THBS4: variants seen among roughly 807,000 people sequenced by gnomAD.
The protein encoded by THBS4 is thrombospondin-4.
THBS4 carries 90 observed loss-of-function variants against 115.7 expected under a neutral mutation model. That is an observed-to-expected ratio of 0.78 (90% CI 0.66 to 0.93). The LOEUF is 0.93. Ranked by LOEUF, THBS4 falls within the 40% of genes least tolerant of loss-of-function variation. THBS4 has a pLI of 0.00. For missense variants in THBS4, 1,087 were observed against 1,232.7 expected (o/e 0.88, Z 1.77); for synonymous variants, 460 against 479.3 (o/e 0.96, Z 0.53).
intron 20 of THBS4, 196 bp from the exon 21 acceptor site, chr5:80,082,200 ACACACGGTCC>A: frequency 8.7e-6 from 4 of 461,376 alleles, no homozygotes; most frequent in Non-Finnish European, 1.5e-5. Flanking sequence ...ACACACGGAC[ACACACGGTCC>A]CTGCCCTCAA....
intron 3 of THBS4, among the ~76,000 whole-genome samples, chr5:80,057,540 T>G (rs1158747588): frequency 6.6e-6 from 1 of 152,200 alleles, no homozygotes; most frequent in Non-Finnish European, 1.5e-5. Context: ...GCAGAATTCC[T>G]CTGAAAATCC....
At position 80,026,534 on chromosome 5, in the gene THBS4, A is replaced by G. The variant is rs150134920; in HGVS notation, n.178-13543A>G. Among the ~76,000 whole-genome samples the G allele has an allele frequency of 5.2e-3, 793 of 152,372 alleles. 4 individuals are homozygous for G. Among genetic ancestry groups the G allele is most frequent in the African/African-American group, 0.018 (754 of 41,584 alleles). On this transcript the variant is annotated intron_variant and non_coding_transcript_variant, in intron 2 of 3. Transcript: ENST00000510218. ...GAGAGTAAATATCTGAGCCCTTCGCAGGCCACATGGGCTCTGTTACAACTA... is the reference window on the plus strand; with the variant it reads ...GAGAGTAAATATCTGAGCCCTTCGCGGGCCACATGGGCTCTGTTACAACTA...
Position 80,080,009 on chromosome 5 carries a change from T to C in THBS4, c.2616T>C (p.Asn872=). The C allele has an allele frequency of 6.2e-7, 1 of 1,614,016 alleles. No individual in the cohort carries two copies. ...QVRLLWKDSR[N]VGWKDKVSYR... ...GGCTGCTGTGGAAGGACTCCAGGAA[T>C]GTGGGCTGGAAGGACAAGGTGTCCT... The change falls in exon 20 of 22, where the codon AAT becomes AAC. Residue 872 remains asparagine, a synonymous_variant. Transcript: ENST00000350881.
At chr5:80,073,253 A>G (rs1465658506) in intron 14 of THBS4, 22 bp from the exon 15 acceptor site, 5 of 1,613,464 alleles carry the variant, frequency 3.1e-6, no homozygotes, top group Non-Finnish European at 4.2e-6. Context: ...GGAATAAATA[A>G]CATGTGCTGT....
At chr5:79,995,266 AG>A (rs1446940678) in intron 1 of THBS4, among the ~76,000 whole-genome samples, 9 of 152,254 alleles carry the variant, frequency 5.9e-5, no homozygotes, top group African/African-American at 2.2e-4. Flanking sequence ...GGACATTATA[AG>A]AAGAAGCATT....
intron 2 of THBS4, among the ~76,000 whole-genome samples, chr5:80,040,723 G>T (rs1580935532): frequency 6.6e-6 from 1 of 152,334 alleles, no homozygotes; most frequent in South Asian, 2.1e-4. Flanking sequence ...TCCATTTTGT[G>T]TTGCTATAAA....
intron 2 of THBS4, among the ~76,000 whole-genome samples, chr5:80,041,408 C>G (rs17882422): frequency 1.9e-3 from 288 of 152,218 alleles, no homozygotes; most frequent in African/African-American, 6.7e-3. Context: ...AGGAAGGGGA[C>G]AGATACAAAC....
intron 2 of THBS4, 45 bp downstream of exon 2, chr5:80,040,325 C>T (rs543977261): frequency 6.8e-7 from 1 of 1,476,064 alleles, no homozygotes; most frequent in African/African-American, 1.4e-5. Flanking sequence ...TCTCCTTTTT[C>T]TATTCCAGGA....
Position 80,055,858 on chromosome 5 carries a change from A to G in THBS4, c.366A>G (p.Gly122=). ...TCAACAACCTGCAGCTGGCAGACGG[A>G]AGGCGGCACAGGATCCTCCTGAGGC... ...VVFNNLQLAD[G]RRHRILLRLS... Residue 122 remains glycine, a synonymous_variant, in exon 3 of 22, where the codon GGA becomes GGG. Transcript: ENST00000350881. 2 of 1,614,184 alleles carry G rather than the reference A, an allele frequency of 1.2e-6. No homozygotes were observed. Among genetic ancestry groups the G allele is most frequent in the Non-Finnish European group, 1.7e-6 (2 of 1,180,006 alleles).
chr5:80,083,116 A>G lies in THBS4; in HGVS notation c.2861A>G (p.Gln954Arg), dbSNP rs1198241140. 1 of 1,614,018 alleles carries G rather than the reference A, an allele frequency of 6.2e-7. No individual in the cohort carries two copies. The highest frequency in any genetic ancestry group is 8.5e-7 in the Non-Finnish European group (1 of 1,179,932). The part of the protein sequence containing the change: ...IPEDFQEFQT[Q>R]NFDRFDN ...GAGGACTTCCAAGAGTTTCAAACCCAGAATTTCGACCGCTTCGATAATTAA... is the reference window on the plus strand; with the variant it reads ...GAGGACTTCCAAGAGTTTCAAACCCGGAATTTCGACCGCTTCGATAATTAA... Residue 954 changes from glutamine (Q) to arginine (R), a missense_variant, in exon 22 of 22, where the codon CAG becomes CGG. Gln to Arg is a conservative substitution (Grantham distance 43). Around this residue, in one of 3 missense-constraint regions of THBS4, gnomAD observed 103 missense variants for 108.2 expected, o/e 0.95. Coordinates refer to ENST00000350881, the MANE Select transcript of THBS4 (RefSeq NM_003248.6).
intron 17 of THBS4, among the ~76,000 whole-genome samples, chr5:80,078,667 C>T (rs764768145): frequency 1.5e-4 from 23 of 152,224 alleles, no homozygotes; most frequent in Non-Finnish European, 2.9e-4. Context: ...CAGTTAAGGG[C>T]CTGTCCAATC....
At chr5:80,055,694 C>A in intron 2 of THBS4, 91 bp from the exon 3 acceptor site, 1 of 1,520,166 alleles carries the variant, frequency 6.6e-7, no homozygotes, top group Non-Finnish European at 8.9e-7. Context: ...GGAGGCTGTT[C>A]AGCACAGGAC....
chr5:80,035,134 C>T (rs914939164), upstream of THBS4, among the ~76,000 whole-genome samples: 1 of 152,008 alleles, frequency 6.6e-6, no homozygotes, highest in African/African-American at 2.4e-5. This position sits in a 1 kb window ranked among gnomAD's most constrained non-coding sequence, Gnocchi z 4.6. Flanking sequence ...CCTACCCTCG[C>T]GCGTCGGGGC....
intron 19 of THBS4, 79 bp downstream of exon 19, chr5:80,079,337 G>A (rs1389132818): frequency 2.8e-6 from 4 of 1,436,582 alleles, no homozygotes; most frequent in African/African-American, 1.4e-5. Flanking sequence ...TTTCCCATGT[G>A]GTACTTAGTT....
At chr5:80,032,806 C>T (rs921427228), upstream of THBS4, among the ~76,000 whole-genome samples, 4 of 152,150 alleles carry the variant, frequency 2.6e-5, no homozygotes, top group Admixed American at 6.5e-5. Context: ...AGGGTGGGTC[C>T]GCCTTTCCCA....
At chr5:80,010,421 C>T (rs1832100801) in intron 2 of THBS4, among the ~76,000 whole-genome samples, 1 of 152,222 alleles carries the variant, frequency 6.6e-6, no homozygotes, top group Admixed American at 6.5e-5. Flanking sequence ...ATGAAGCCAT[C>T]TAAATAAGGT....
intron 2 of THBS4, among the ~76,000 whole-genome samples, chr5:80,021,258 A>G (rs561133671): frequency 6.6e-6 from 1 of 152,290 alleles, no homozygotes; most frequent in South Asian, 2.1e-4. Flanking sequence ...TTTTCTTCAT[A>G]TACTTTAACC....
At chr5:80,009,296 C>T (rs1832076387) in intron 2 of THBS4, among the ~76,000 whole-genome samples, 1 of 152,126 alleles carries the variant, frequency 6.6e-6, no homozygotes, top group Admixed American at 6.5e-5. Context: ...AACAAATTGC[C>T]AAGAGATGCA....
In THBS4 at chr5:80,079,888, C is replaced by T. The variant is rs1410719297; in HGVS notation, c.2512-17C>T. The T allele has an allele frequency of 6.2e-7, 1 of 1,612,948 alleles. No homozygotes were observed. Among genetic ancestry groups the T allele is most frequent in the Non-Finnish European group, 8.5e-7 (1 of 1,179,256 alleles). On this transcript the variant is annotated splice_polypyrimidine_tract_variant and intron_variant, in intron 19 of 21. Transcript: ENST00000350881. The stretch of plus-strand genomic sequence containing the variant: ...GCCTGTGTCCTGTCCTAAAACCTTG[C>T]TTGTGTCATCATGCAGGCTGTGAAG...
Sources: gnomAD v4.1 joint callset for allele counts (sites outside exome capture counted in the v4.1 genomes callset) on GRCh38, gnomAD v4.1.1 for gene constraint, gnomAD v4.1.1 regional missense constraint, Gnocchi (gnomAD v3.1) non-coding constraint, MANE v1.5 for transcripts, NCBI Gene and HGNC (gene_info 2026-07-23, HGNC 2026-07-21) for gene names.